Variants in KCNMA1 observed in about 807,000 individuals in gnomAD.
KCNMA1 encodes Calcium-activated potassium channel subunit alpha-1.
A neutral mutation model predicts 140.0 loss-of-function variants in KCNMA1; 29 were observed. The observed-to-expected ratio is 0.21, with a 90% confidence interval of 0.15 to 0.28. The LOEUF (loss-of-function observed/expected upper bound fraction) is 0.28. KCNMA1 is among the 10% of genes least tolerant of loss of function. The pLI is 1.00. For missense variants in KCNMA1, 880 were observed against 1,602.2 expected, an observed-to-expected ratio of 0.55 and a Z score of 7.70; for synonymous variants, 612 against 611.9, an observed-to-expected ratio of 1.00 and a Z score of 0.00.
intron 25 of KCNMA1, chr10:76,903,181 C>A (rs948804916): frequency 1.3e-5 from 2 of 152,306 alleles, no homozygotes. Context: ...GCCCAAGCAT[C>A]CTCCTCTTTT....
intron 5 of KCNMA1, among the ~76,000 whole-genome samples, chr10:77,141,123 T>C (rs921712381): frequency 6.6e-6 from 1 of 152,166 alleles, no homozygotes; most frequent in Non-Finnish European, 1.5e-5. Context: ...GCAAATCCTC[T>C]GCTAATCCTA....
At chr10:77,025,998 A>AAAAAAT (rs370771543) in intron 16 of KCNMA1, among the ~76,000 whole-genome samples, 74 of 139,926 alleles carry the variant, frequency 5.3e-4, no homozygotes, top group African/African-American at 1.8e-3. Context: ...AGAAAAAAAA[A>AAAAAAT]ATATATATAT....
At chr10:76,990,404 C>A (rs765718916) in intron 19 of KCNMA1, among the ~76,000 whole-genome samples, 22 of 152,184 alleles carry the variant, frequency 1.4e-4, no homozygotes, top group Non-Finnish European at 2.9e-4. Context: ...GTTCACTGCA[C>A]AGTGAGGGGA....
At chr10:77,497,459 G>T (rs1003764548) in intron 1 of KCNMA1, among the ~76,000 whole-genome samples, 6 of 152,158 alleles carry the variant, frequency 3.9e-5, no homozygotes, top group African/African-American at 1.2e-4. Flanking sequence ...TGACACTGTT[G>T]CTCTCACCTC....
intron 2 of KCNMA1, among the ~76,000 whole-genome samples, chr10:77,361,272 G>A (rs2093926885): frequency 6.6e-6 from 1 of 152,136 alleles, no homozygotes; most frequent in Non-Finnish European, 1.5e-5. Flanking sequence ...CATCATTGGG[G>A]CAGACAAATC....
At chr10:77,090,587 G>A (rs1426013278) in intron 9 of KCNMA1, 77 bp from the exon 10 acceptor site, 4 of 935,400 alleles carry the variant, frequency 4.3e-6, no homozygotes, top group Non-Finnish European at 7.1e-6. Context: ...CAAGACAGCA[G>A]AAGCCAGGCA....
intron 1 of KCNMA1, chr10:77,636,878 G>A: frequency 7.0e-7 from 1 of 1,424,818 alleles, no homozygotes; most frequent in Non-Finnish European, 9.1e-7. Context: ...GCAGGTGAGC[G>A]GTGCAAAACA....
At chr10:77,523,203 G>GAC (rs1555416220) in intron 1 of KCNMA1, among the ~76,000 whole-genome samples, 1 of 142,558 alleles carries the variant, frequency 7.0e-6, no homozygotes, top group East Asian at 2.4e-4. Context: ...CCTTGGACGT[G>GAC]CCCCCCCCCC....
intron 2 of KCNMA1, among the ~76,000 whole-genome samples, chr10:77,371,130 AC>A (rs1334577361): frequency 6.6e-6 from 1 of 152,192 alleles, no homozygotes; most frequent in Non-Finnish European, 1.5e-5. Flanking sequence ...CCAAATTCAT[AC>A]TACTTACCCA....
chr10:77,421,574 G>C (rs143789730), intron 1 of KCNMA1, among the ~76,000 whole-genome samples: 232 of 152,344 alleles, frequency 1.5e-3, no homozygotes, highest in African/African-American at 4.9e-3. Flanking sequence ...AAGGAGTGTG[G>C]TTGTATTCCA....
intron 9 of KCNMA1, among the ~76,000 whole-genome samples, chr10:77,093,608 T>A (rs1045843846): frequency 3.3e-5 from 5 of 152,200 alleles, no homozygotes; most frequent in African/African-American, 1.2e-4. Flanking sequence ...GGATGGATGG[T>A]GAATGGGGAA....
intron 19 of KCNMA1, among the ~76,000 whole-genome samples, chr10:76,989,253 ATCT>A (rs1463484118): frequency 1.3e-5 from 2 of 152,152 alleles, no homozygotes; most frequent in Non-Finnish European, 2.9e-5. Flanking sequence ...ACCTGTAAGA[ATCT>A]TCTGGGCTCT....
chr10:76,978,874 T>A (rs2078517649), intron 19 of KCNMA1, among the ~76,000 whole-genome samples: 1 of 152,222 alleles, frequency 6.6e-6, no homozygotes, highest in Non-Finnish European at 1.5e-5. Context: ...GAAATCAATA[T>A]TTATACTGTC....
At chr10:77,415,976 A>C (rs1401405791) in intron 1 of KCNMA1, among the ~76,000 whole-genome samples, 1 of 152,184 alleles carries the variant, frequency 6.6e-6, no homozygotes, top group Non-Finnish European at 1.5e-5. Context: ...GGCATTTGAC[A>C]GTTTCTTTTT....
chr10:76,989,873 G>A (rs889678250), intron 19 of KCNMA1, among the ~76,000 whole-genome samples: 1 of 151,108 alleles, frequency 6.6e-6, no homozygotes, highest in Non-Finnish European at 1.5e-5. Flanking sequence ...TCAATACTAT[G>A]GGAGATGGCA....
intron 18 of KCNMA1, chr10:77,008,126 C>G (rs1046191056): frequency 4.7e-5 from 70 of 1,484,010 alleles, no homozygotes; most frequent in Non-Finnish European, 6.3e-5. Flanking sequence ...AAGAGTATCT[C>G]TTCTAGAGAA....
chr10:77,244,274 G>C (rs1004860666), intron 3 of KCNMA1, among the ~76,000 whole-genome samples: 1 of 152,170 alleles, frequency 6.6e-6, no homozygotes, highest in Non-Finnish European at 1.5e-5. Flanking sequence ...AGTGGCACCA[G>C]TTGGGATCCA....
At chr10:76,953,954 T>C in intron 20 of KCNMA1, 30 bp from the exon 21 acceptor site, 1 of 1,612,444 alleles carries the variant, frequency 6.2e-7, no homozygotes, top group Admixed American at 1.7e-5. Flanking sequence ...AAAACCTAAG[T>C]GGAAAATGTG....
At chr10:77,166,975 T>G (rs2098649692) in intron 5 of KCNMA1, among the ~76,000 whole-genome samples, 1 of 152,226 alleles carries the variant, frequency 6.6e-6, no homozygotes, top group Non-Finnish European at 1.5e-5. Flanking sequence ...ATTATTCTTT[T>G]GTAGCTATTT....
Sources: allele counts gnomAD v4.1 joint callset (sites outside exome capture counted in the v4.1 genomes callset), GRCh38; gene constraint gnomAD v4.1.1; transcripts MANE v1.5; gene names NCBI Gene and HGNC (gene_info 2026-07-23, HGNC 2026-07-21).